Variants in VWA8 observed in about 807,000 individuals in gnomAD.
The protein encoded by VWA8 is von Willebrand factor A domain-containing protein 8.
VWA8 carries 221 observed loss-of-function variants against 241.5 expected under a neutral mutation model. The observed-to-expected ratio is 0.91, with a 90% CI of 0.82 to 1.02. The LOEUF (loss-of-function observed/expected upper bound fraction) is 1.02. Ranked by LOEUF, VWA8 falls within the 50% of genes least tolerant of loss-of-function variation. VWA8 has a pLI of 0.00. For synonymous variants in VWA8, 852 were observed against 827.1 expected (o/e 1.03, Z -0.52); for missense variants, 2,322 against 2,328.7 (o/e 1.00, Z 0.06).
chr13:41,692,980 T>C lies in VWA8; in HGVS notation c.3565-8A>G. On this transcript the variant is annotated splice_polypyrimidine_tract_variant and splice_region_variant and intron_variant, in intron 29 of 44. Coordinates refer to ENST00000379310, the MANE Select transcript of VWA8 (RefSeq NM_015058.2). ...CAACAGGATAACATTACTCTGCAAATGATAAAAACAGTGAAAAGCTCAAGA... is the reference window on the plus strand; with the variant it reads ...CAACAGGATAACATTACTCTGCAAACGATAAAAACAGTGAAAAGCTCAAGA... 1 of 1,571,158 alleles carries C rather than the reference T, an allele frequency of 6.4e-7. No individual in the cohort carries two copies. Among genetic ancestry groups the C allele is most frequent in the Non-Finnish European group, 8.7e-7 (1 of 1,153,390 alleles).
chr13:41,908,788 T>TA (rs1373141203), intron 3 of VWA8, among the ~76,000 whole-genome samples: 1 of 152,170 alleles, frequency 6.6e-6, no homozygotes, highest in Non-Finnish European at 1.5e-5. Context: ...AATGTTGAAG[T>TA]AAAAACAATG....
chr13:41,646,092 G>A (rs1197464396), intron 37 of VWA8, among the ~76,000 whole-genome samples: 2 of 151,774 alleles, frequency 1.3e-5, no homozygotes, highest in African/African-American at 4.8e-5. Context: ...TCGGCCTCCC[G>A]AGTAGCTGGG....
At chr13:41,935,604 A>G (rs897335611) in intron 2 of VWA8, among the ~76,000 whole-genome samples, 1 of 152,060 alleles carries the variant, frequency 6.6e-6, no homozygotes, top group African/African-American at 2.4e-5. Context: ...TCAAAAATGT[A>G]AAAAGAAAAA....
At chr13:41,708,115 T>C (rs1164572354) in intron 26 of VWA8, among the ~76,000 whole-genome samples, 1 of 152,070 alleles carries the variant, frequency 6.6e-6, no homozygotes, top group Non-Finnish European at 1.5e-5. Flanking sequence ...CCCAGCACTT[T>C]GGGAGGCCGA....
At chr13:41,855,739 C>G (rs1441359678) in intron 12 of VWA8, among the ~76,000 whole-genome samples, 1 of 152,086 alleles carries the variant, frequency 6.6e-6, no homozygotes, top group East Asian at 1.9e-4. Context: ...AATTGTGGTA[C>G]TGGCCCTACT....
chr13:41,741,458 C>A (rs2045568687), intron 21 of VWA8, among the ~76,000 whole-genome samples: 1 of 152,214 alleles, frequency 6.6e-6, no homozygotes, highest in African/African-American at 2.4e-5. Flanking sequence ...CTCTTAGAAG[C>A]ATTCCTTATT....
intron 39 of VWA8, among the ~76,000 whole-genome samples, chr13:41,608,537 G>A (rs940335248): frequency 6.6e-6 from 1 of 152,198 alleles, no homozygotes; most frequent in Non-Finnish European, 1.5e-5. Context: ...TTATTGTTAC[G>A]TAAGAGTCTG....
chr13:41,805,643 A>T (rs1870155513), intron 17 of VWA8, among the ~76,000 whole-genome samples: 1 of 151,914 alleles, frequency 6.6e-6, no homozygotes, highest in East Asian at 1.9e-4. Context: ...GAGAAACCCC[A>T]TCTCTACTAA....
intron 12 of VWA8, among the ~76,000 whole-genome samples, chr13:41,850,663 C>A (rs1022803438): frequency 6.6e-6 from 1 of 152,112 alleles, no homozygotes; most frequent in African/African-American, 2.4e-5. Context: ...AAAGACCCCA[C>A]CAGATGGTCT....
intron 37 of VWA8, among the ~76,000 whole-genome samples, chr13:41,641,767 C>T (rs182023123): frequency 2.1e-4 from 32 of 151,318 alleles, no homozygotes; most frequent in Admixed American, 2.0e-3. Flanking sequence ...TTCTTGAATG[C>T]ATTATAAGTT....
chr13:41,677,370 A>G (rs1043291121), intron 35 of VWA8, among the ~76,000 whole-genome samples: 6 of 152,346 alleles, frequency 3.9e-5, no homozygotes, highest in African/African-American at 1.4e-4. Context: ...AGCTGCCACC[A>G]TGGTGTGTCA....
intron 37 of VWA8, among the ~76,000 whole-genome samples, chr13:41,636,808 G>T (rs2044760565): frequency 6.6e-6 from 1 of 152,162 alleles, no homozygotes; most frequent in African/African-American, 2.4e-5. Context: ...AAAGACACAT[G>T]AAAAAATGTT....
At position 41,587,536 on chromosome 13, in the gene VWA8, G is replaced by A. The variant is rs747733745; in HGVS notation, c.5247C>T (p.Phe1749=). The change falls in exon 42 of 45, where the codon TTC becomes TTT. Residue 1749 remains phenylalanine (F), a synonymous_variant. Transcript: ENST00000379310. The part of the protein sequence containing the change: ...MEAVCMVMEA[F]ENYEEKFQYD... ...CCTGGAACTTCTCCTCATAGTTCTC[G>A]AAGGCTTCCATGACCATACACACAG... 3.7e-5 allele frequency: 60 copies of A among 1,613,892 alleles called. No homozygotes were observed. The highest frequency in any genetic ancestry group is 1.1e-4 in the South Asian group (10 of 91,068).
chr13:41,663,059 T>C (rs1427784054), intron 37 of VWA8, among the ~76,000 whole-genome samples: 1 of 152,192 alleles, frequency 6.6e-6, no homozygotes, highest in Non-Finnish European at 1.5e-5. Context: ...TGCTATCATT[T>C]ATTTTTCAGG....
intron 21 of VWA8, among the ~76,000 whole-genome samples, chr13:41,749,867 C>A (rs1309244621): frequency 9.2e-6 from 1 of 109,128 alleles, no homozygotes; most frequent in Non-Finnish European, 1.8e-5. Flanking sequence ...CACTCCGGGG[C>A]CTGTTGTGGG....
At chr13:41,816,837 T>C in intron 15 of VWA8, 62 bp from the exon 16 acceptor site, 1 of 1,247,820 alleles carries the variant, frequency 8.0e-7, no homozygotes, top group East Asian at 2.3e-5. Context: ...GATCAATCAA[T>C]CAGAAATTAT....
intron 14 of VWA8, among the ~76,000 whole-genome samples, chr13:41,823,581 G>A (rs1871054437): frequency 6.6e-6 from 1 of 152,134 alleles, no homozygotes; most frequent in Non-Finnish European, 1.5e-5. Context: ...TCTCATCAAA[G>A]GAAGGAGTTC....
chr13:41,675,310 A>G lies in VWA8; in HGVS notation c.4328-14T>C. 6.3e-7 allele frequency: 1 copy of G among 1,592,290 alleles called. No individual in the cohort carries two copies. Among genetic ancestry groups the G allele is most frequent in the Non-Finnish European group, 8.6e-7 (1 of 1,162,978 alleles). Reference sequence around the variant, plus strand: ...GAGGAGTAACATCTACAAACAAGTCATGACATGAGCCAAGTATTAAATTAC... The same window carrying G: ...GAGGAGTAACATCTACAAACAAGTCGTGACATGAGCCAAGTATTAAATTAC... On this transcript the variant is annotated splice_polypyrimidine_tract_variant and intron_variant, in intron 35 of 44. Coordinates refer to ENST00000379310, the MANE Select transcript of VWA8 (RefSeq NM_015058.2).
At chr13:41,578,137 C>A (rs187625846) in intron 42 of VWA8, among the ~76,000 whole-genome samples, 1 of 152,222 alleles carries the variant, frequency 6.6e-6, no homozygotes, top group Non-Finnish European at 1.5e-5. Flanking sequence ...TCTTTTTCTT[C>A]CTTCTTCCCT....
Sources: gnomAD v4.1 joint callset for allele counts (sites outside exome capture counted in the v4.1 genomes callset) on GRCh38, gnomAD v4.1.1 for gene constraint, MANE v1.5 for transcripts, NCBI Gene and HGNC (gene_info 2026-07-23, HGNC 2026-07-21) for gene names.